LUZP2: variants seen among roughly 807,000 people sequenced by gnomAD.
The protein encoded by LUZP2 is leucine zipper protein 2.
A neutral mutation model predicts 51.6 loss-of-function variants in LUZP2; 52 were observed. The observed-to-expected ratio is 1.01, with a 90% confidence interval of 0.81 to 1.27. LUZP2 has a LOEUF of 1.27. LUZP2 is among the 50% of genes most tolerant of loss of function. LUZP2 has a pLI of 0.00. For missense variants in LUZP2, 436 were observed against 395.4 expected (o/e 1.10, Z -0.87); for synonymous variants, 154 against 137.3 (o/e 1.12, Z -0.85).
At chr11:24,778,863 A>G (rs1365890396) in intron 5 of LUZP2, among the ~76,000 whole-genome samples, 2 of 152,156 alleles carry the variant, frequency 1.3e-5, no homozygotes, top group Non-Finnish European at 2.9e-5. Context: ...AAAAACTATA[A>G]ATTCTTAGTC....
At chr11:24,658,388 C>T (rs1393247000) in intron 1 of LUZP2, among the ~76,000 whole-genome samples, 1 of 152,186 alleles carries the variant, frequency 6.6e-6, no homozygotes, top group African/African-American at 2.4e-5. Context: ...AAAGCTGAAA[C>T]TGGATCCCTT....
rs997021078 is a variant in LUZP2, at chr11:24,497,316, G to C, written c.62+11G>C. On this transcript the variant is annotated intron_variant, in intron 1 of 11. Coordinates refer to ENST00000336930, the MANE Select transcript of LUZP2 (RefSeq NM_001009909.4). The stretch of plus-strand genomic sequence containing the variant: ...GGTCCTCAGCACCAGGTGAGTCCAG[G>C]AGCGTGAGTGACCTGAGGCCAGGGG... 6.6e-7 allele frequency: 1 copy of C among 1,525,518 alleles called. No individual in the cohort carries two copies. Among genetic ancestry groups the C allele is most frequent in the South Asian group, 1.2e-5 (1 of 81,396 alleles). The allele number at this position is 1,525,518 out of a possible 1,614,324, so 94.5% of individuals were successfully genotyped here. A position where few individuals can be genotyped will look rare whatever the true frequency, so the allele number is the denominator to read the frequency against.
At position 24,509,655 on chromosome 11, in the gene LUZP2, A is replaced by C. The variant is rs114637760; in HGVS notation, c.62+12350A>C. ...TATATGTTATATACACAGAATATAT[A>C]AATATATTCCGTAGTATATATTATA... On this transcript the variant is annotated intron_variant, in intron 1 of 11. Coordinates refer to ENST00000336930, the MANE Select transcript of LUZP2 (RefSeq NM_001009909.4). Among the ~76,000 whole-genome samples the C allele has an allele frequency of 3.2e-3, 483 of 150,416 alleles. 3 individuals are homozygous for C. The highest frequency in any genetic ancestry group is 0.011 in the African/African-American group (443 of 41,182).
intron 5 of LUZP2, among the ~76,000 whole-genome samples, chr11:24,853,137 C>A (rs1428044206): frequency 1.3e-5 from 2 of 151,994 alleles, no homozygotes; most frequent in Non-Finnish European, 2.9e-5. Flanking sequence ...GATTATTTTG[C>A]CCATTAGTTG....
chr11:25,023,728 G>C (rs1215848342), intron 9 of LUZP2, among the ~76,000 whole-genome samples: 1 of 151,874 alleles, frequency 6.6e-6, no homozygotes, highest in South Asian at 2.1e-4. Flanking sequence ...GTGATGTTAG[G>C]GTGTCAATTT....
At position 24,654,747 on chromosome 11, in the gene LUZP2, G is replaced by A. The variant is rs189701073; in HGVS notation, c.63-74422G>A. Among the ~76,000 whole-genome samples, 7 of 150,936 alleles carry A rather than the reference G, an allele frequency of 4.6e-5. No individual in the cohort carries two copies. In the East Asian group the frequency reaches 1.2e-3, roughly 25 times the overall value. ...ACCATCTTGGCCAGGCTGGTCTTGA[G>A]CTTCTGGCCTTAGGTGATCCACCCG... On this transcript the variant is annotated intron_variant, in intron 1 of 11. Transcript: ENST00000336930.
At chr11:25,063,277 T>G (rs1193162386) in intron 10 of LUZP2, among the ~76,000 whole-genome samples, 2 of 151,618 alleles carry the variant, frequency 1.3e-5, no homozygotes, top group Non-Finnish European at 3.0e-5. Flanking sequence ...CATCATTTTA[T>G]TTAAGGGACT....
At chr11:24,839,346 G>C (rs1254263070) in intron 5 of LUZP2, among the ~76,000 whole-genome samples, 3 of 151,582 alleles carry the variant, frequency 2.0e-5, no homozygotes, top group Admixed American at 6.6e-5. Flanking sequence ...CATGCCAATG[G>C]TTAAATCTTG....
chr11:24,613,746 A>T (rs1354334286), intron 1 of LUZP2, among the ~76,000 whole-genome samples: 1 of 151,966 alleles, frequency 6.6e-6, no homozygotes, highest in Non-Finnish European at 1.5e-5. Flanking sequence ...TTTAAAAAGG[A>T]AGGAATGAAA....
intron 9 of LUZP2, among the ~76,000 whole-genome samples, chr11:25,002,470 C>G (rs142509342): frequency 1.3e-5 from 2 of 152,178 alleles, no homozygotes; most frequent in Non-Finnish European, 2.9e-5. Flanking sequence ...CAAGGAATAG[C>G]ACCTGGTATC....
intron 7 of LUZP2, among the ~76,000 whole-genome samples, chr11:24,915,668 T>TGATA (rs1400372618): frequency 6.6e-6 from 1 of 150,632 alleles, no homozygotes; most frequent in Non-Finnish European, 1.5e-5. Context: ...GATAGATAGA[T>TGATA]GATAGATAGA....
intron 5 of LUZP2, among the ~76,000 whole-genome samples, chr11:24,904,840 A>G (rs540160534): frequency 2.0e-5 from 3 of 152,188 alleles, no homozygotes; most frequent in Non-Finnish European, 4.4e-5. Context: ...GACTAAAAAA[A>G]GACTCAAATA....
chr11:24,854,404 C>A (rs963155774), intron 5 of LUZP2, among the ~76,000 whole-genome samples: 1 of 152,226 alleles, frequency 6.6e-6, no homozygotes, highest in Admixed American at 6.5e-5. Context: ...AACTTCCCAG[C>A]AGCTTTGTTT....
intron 5 of LUZP2, among the ~76,000 whole-genome samples, chr11:24,772,681 G>T (rs1848780715): frequency 6.6e-6 from 1 of 152,084 alleles, no homozygotes; most frequent in African/African-American, 2.4e-5. Flanking sequence ...AAAACAACAG[G>T]AATTTCCTGT....
chr11:24,753,609 A>G lies in LUZP2; in HGVS notation c.334-9637A>G, dbSNP rs370114542. On this transcript the variant is annotated intron_variant, in intron 4 of 11. Transcript: ENST00000336930. ...ATACAACGCTCATTCCCATAATACAATCAGATAAAAGTGACCAAACTGCTT... is the reference window on the plus strand; with the variant it reads ...ATACAACGCTCATTCCCATAATACAGTCAGATAAAAGTGACCAAACTGCTT... Among the ~76,000 whole-genome samples the G allele has an allele frequency of 5.3e-5, 8 of 152,310 alleles. No individual in the cohort carries two copies. In the South Asian group the frequency reaches 6.2e-4, roughly 12 times the overall value.
rs547860817 is a variant in LUZP2 at position 24,914,515 on chromosome 11, G to A, written c.499G>A (p.Gly167Arg). 5 of 1,608,670 alleles carry A rather than the reference G, an allele frequency of 3.1e-6. No individual in the cohort carries two copies. In the South Asian group the frequency reaches 4.4e-5, roughly 14 times the overall value. ...IQAQLKELRYGKKDLLFKAQQ... is the reference protein window; with the variant it reads ...IQAQLKELRYRKKDLLFKAQQ... The stretch of plus-strand genomic sequence containing the variant: ...AGCCCAGCTGAAGGAGCTTCGTTAT[G>A]GGAAGAAGGATTTATTATTTAAGGT... Residue 167 changes from glycine to arginine, a missense_variant, in exon 7 of 12, where the codon GGG becomes AGG. Coordinates refer to ENST00000336930, the MANE Select transcript of LUZP2 (RefSeq NM_001009909.4).
At chr11:24,913,882 C>T (rs530155373) in intron 6 of LUZP2, among the ~76,000 whole-genome samples, 3 of 151,854 alleles carry the variant, frequency 2.0e-5, no homozygotes, top group Admixed American at 1.3e-4. Flanking sequence ...CTTAAGGGAC[C>T]GTAATTAAAT....
chr11:25,062,617 AG>A (rs1858877123), intron 10 of LUZP2, among the ~76,000 whole-genome samples: 1 of 147,760 alleles, frequency 6.8e-6, no homozygotes, highest in Non-Finnish European at 1.5e-5. Context: ...AAAAAAAGAA[AG>A]GAAAGGAAAC....
At chr11:24,944,722 A>C (rs1251353189) in intron 7 of LUZP2, among the ~76,000 whole-genome samples, 2 of 152,158 alleles carry the variant, frequency 1.3e-5, no homozygotes, top group Non-Finnish European at 2.9e-5. Flanking sequence ...CAAACAACTC[A>C]AGGCATGAGA....
Sources: gnomAD v4.1 joint callset for allele counts (sites outside exome capture counted in the v4.1 genomes callset) on GRCh38, gnomAD v4.1.1 for gene constraint, MANE v1.5 for transcripts, NCBI Gene and HGNC (gene_info 2026-07-23, HGNC 2026-07-21) for gene names.